Variants in RASEF observed in about 807,000 individuals in gnomAD.
RASEF encodes the protein ras and EF-hand domain-containing protein.
RASEF carries 68 observed loss-of-function variants against 90.1 expected under a neutral mutation model. The observed-to-expected ratio is 0.75, with a 90% CI of 0.62 to 0.92. The LOEUF is 0.92. Among genes scored for constraint, RASEF ranks in the 40% least tolerant of loss-of-function variants. The probability of loss-of-function intolerance (pLI) is 0.00; values close to 1 mark genes in which losing one functional copy is unlikely to be tolerated. For missense variants in RASEF, 949 were observed against 937.2 expected, an observed-to-expected ratio of 1.01 and a Z score of -0.16; for synonymous variants, 331 against 345.2, an observed-to-expected ratio of 0.96 and a Z score of 0.46.
chr9:83,185,104 C>A, the RASEF span, among the ~76,000 whole-genome samples: 1 of 151,994 alleles, frequency 6.6e-6, no homozygotes, highest in Non-Finnish European at 1.5e-5. Flanking sequence ...AAGCCTGAAT[C>A]CCAAAACAAG....
chr9:83,122,286 TAAAACC>T, the RASEF span, among the ~76,000 whole-genome samples: 1 of 152,192 alleles, frequency 6.6e-6, no homozygotes, highest in African/African-American at 2.4e-5. Context: ...CCTGTGTGGT[TAAAACC>T]AAGCGAGCAT....
the RASEF span, among the ~76,000 whole-genome samples, chr9:83,125,433 A>G: frequency 3.3e-5 from 5 of 152,336 alleles, no homozygotes; most frequent in African/African-American, 1.2e-4. Context: ...GTTTTAAGCC[A>G]TTCGGAATAT....
the RASEF span, among the ~76,000 whole-genome samples, chr9:83,128,627 A>G: frequency 6.1e-3 from 936 of 152,234 alleles, 27 homozygotes; most frequent in Admixed American, 0.052. Context: ...TCCATCACTC[A>G]GTAAAATTCT....
chr9:82,986,446 G>T (rs998100916), intron 16 of RASEF, among the ~76,000 whole-genome samples: 1 of 152,160 alleles, frequency 6.6e-6, no homozygotes, highest in South Asian at 2.1e-4. Flanking sequence ...CATAGCATGG[G>T]GCTATGCACG....
chr9:83,030,898 C>T (rs1428044946), intron 1 of RASEF, among the ~76,000 whole-genome samples: 1 of 151,900 alleles, frequency 6.6e-6, no homozygotes, highest in Admixed American at 6.6e-5. Flanking sequence ...CCACCTTCTC[C>T]TTCTTTCTCC....
chr9:83,095,474 A>T, the RASEF span, among the ~76,000 whole-genome samples: 3 of 149,026 alleles, frequency 2.0e-5, no homozygotes, highest in African/African-American at 7.5e-5. Flanking sequence ...GCCCCAAGGG[A>T]TCTAGTATGA....
intron 13 of RASEF, 125 bp downstream of exon 13, chr9:82,998,240 A>G: frequency 1.7e-6 from 1 of 578,346 alleles, no homozygotes; most frequent in Non-Finnish European, 3.1e-6. Flanking sequence ...TTATACATGT[A>G]ATTATGCATA....
chr9:83,203,260 G>A, the RASEF span, among the ~76,000 whole-genome samples: 2,149 of 150,078 alleles, frequency 0.014, 18 homozygotes, highest in South Asian at 0.033. Context: ...CCCTCCTTAT[G>A]TTCTATTTCA....
intron 2 of RASEF, 125 bp downstream of exon 2, chr9:83,025,650 A>G (rs531204673): frequency 2.2e-6 from 2 of 895,102 alleles, no homozygotes; most frequent in African/African-American, 3.4e-5. Flanking sequence ...AAAGCTCTAG[A>G]CTCCTCAGGC....
the RASEF span, among the ~76,000 whole-genome samples, chr9:83,218,113 G>C: frequency 2.6e-5 from 4 of 152,188 alleles, no homozygotes; most frequent in African/African-American, 9.7e-5. Flanking sequence ...ACTGATAAAT[G>C]AGTGAATGAA....
chr9:83,200,108 C>T, the RASEF span, among the ~76,000 whole-genome samples: 2 of 152,164 alleles, frequency 1.3e-5, no homozygotes, highest in Admixed American at 6.5e-5. Context: ...AGGCCGGGCG[C>T]GGTGGCTCAC....
the RASEF span, among the ~76,000 whole-genome samples, chr9:83,117,321 T>A: frequency 6.6e-6 from 1 of 152,166 alleles, no homozygotes; most frequent in South Asian, 2.1e-4. Context: ...CAGGTGTTGT[T>A]TATGCATAGA....
chr9:83,031,404 G>C (rs1213554366), intron 1 of RASEF, among the ~76,000 whole-genome samples: 1 of 152,166 alleles, frequency 6.6e-6, no homozygotes, highest in Admixed American at 6.5e-5. Context: ...TATATATGTA[G>C]TCCAGGTGCT....
chr9:83,044,531 A>C (rs1829894866), intron 1 of RASEF, among the ~76,000 whole-genome samples: 1 of 152,154 alleles, frequency 6.6e-6, no homozygotes. Context: ...AATAACTTTA[A>C]AGTTGACATA....
At chr9:83,196,105 A>T in the RASEF span, among the ~76,000 whole-genome samples, 2 of 152,160 alleles carry the variant, frequency 1.3e-5, no homozygotes, top group East Asian at 3.9e-4. Flanking sequence ...CTTCACCAAG[A>T]TGGGAGAACT....
At chr9:83,040,725 T>G (rs1043755790) in intron 1 of RASEF, among the ~76,000 whole-genome samples, 4 of 152,228 alleles carry the variant, frequency 2.6e-5, no homozygotes, top group African/African-American at 4.8e-5. Flanking sequence ...ATTATTGGTA[T>G]CATGGAAAGA....
chr9:83,019,119 G>A (rs568108009), intron 3 of RASEF, among the ~76,000 whole-genome samples: 1 of 152,114 alleles, frequency 6.6e-6, no homozygotes, highest in African/African-American at 2.4e-5. Context: ...ATGAAAAAAA[G>A]TATGGTCCAT....
chr9:83,130,572 G>A, the RASEF span, among the ~76,000 whole-genome samples: 1 of 152,132 alleles, frequency 6.6e-6, no homozygotes, highest in Non-Finnish European at 1.5e-5. Context: ...ACACAGTATT[G>A]AAACCATCTG....
At chr9:83,205,736 C>T in the RASEF span, among the ~76,000 whole-genome samples, 22 of 152,328 alleles carry the variant, frequency 1.4e-4, no homozygotes, top group African/African-American at 5.1e-4. Context: ...ACACTGTATA[C>T]ACTGGAATGC....
Sources: gnomAD v4.1 joint callset for allele counts (sites outside exome capture counted in the v4.1 genomes callset) on GRCh38, gnomAD v4.1.1 for gene constraint, MANE v1.5 for transcripts, NCBI Gene and HGNC (gene_info 2026-07-23, HGNC 2026-07-21) for gene names.